The following ANKH variants were observed in gnomAD, a reference collection of about 807,000 sequenced individuals.
ANKH encodes mineralization regulator ANKH.
ANKH carries 15 observed loss-of-function variants against 49.0 expected under a neutral mutation model. The ratio of observed to expected loss-of-function variants is 0.31; its 90% CI spans 0.20 to 0.47. ANKH has a LOEUF of 0.47. Ranked by LOEUF, ANKH falls within the 20% of genes least tolerant of loss-of-function variation. ANKH has a pLI of 1.00. For synonymous variants in ANKH, 273 were observed against 260.0 expected (o/e 1.05, Z -0.48); for missense variants, 429 against 652.0 (o/e 0.66, Z 3.72).
chr5:14,781,477 A>C (rs938680061), intron 1 of ANKH, among the ~76,000 whole-genome samples: 2 of 152,268 alleles, frequency 1.3e-5, no homozygotes, highest in African/African-American at 4.8e-5. Flanking sequence ...CAAACAACCA[A>C]GCACGGTACA....
At chr5:14,769,864 T>C (rs1428166650) in intron 1 of ANKH, among the ~76,000 whole-genome samples, 2 of 152,224 alleles carry the variant, frequency 1.3e-5, no homozygotes, top group Non-Finnish European at 2.9e-5. Context: ...TAAATGTTTT[T>C]GGATAATGGT....
chr5:14,779,908 TAAAGCG>T (rs1469306508), intron 1 of ANKH, among the ~76,000 whole-genome samples: 1 of 152,190 alleles, frequency 6.6e-6, no homozygotes, highest in African/African-American at 2.4e-5. Context: ...CTCCTTGGTG[TAAAGCG>T]AAAGTAAAGA....
chr5:14,735,754 G>C (rs1738158806), intron 8 of ANKH, among the ~76,000 whole-genome samples: 1 of 152,088 alleles, frequency 6.6e-6, no homozygotes, highest in Non-Finnish European at 1.5e-5. Flanking sequence ...CCTCTAAAAA[G>C]GCACCAGTCA....
chr5:14,788,791 T>C (rs1473936986), intron 1 of ANKH, among the ~76,000 whole-genome samples: 1 of 152,030 alleles, frequency 6.6e-6, no homozygotes, highest in Non-Finnish European at 1.5e-5. Context: ...AGGTTAATAA[T>C]ACTAACTGAT....
At chr5:14,754,107 C>T (rs1285367667) in intron 4 of ANKH, among the ~76,000 whole-genome samples, 4 of 152,198 alleles carry the variant, frequency 2.6e-5, no homozygotes, top group African/African-American at 9.7e-5. Flanking sequence ...CTCCACCAGG[C>T]ACAGCCTGAA....
intron 1 of ANKH, among the ~76,000 whole-genome samples, chr5:14,833,936 G>GA (rs568419084): frequency 2.6e-5 from 4 of 152,220 alleles, no homozygotes; most frequent in African/African-American, 9.6e-5. Flanking sequence ...TTGGCAGCAC[G>GA]AAAGAATCAG....
chr5:14,762,236 C>T (rs1028957716), intron 2 of ANKH, among the ~76,000 whole-genome samples: 8 of 152,112 alleles, frequency 5.3e-5, no homozygotes, highest in African/African-American at 9.7e-5. Flanking sequence ...TTAACAGAAA[C>T]ATCAAAAACA....
intron 1 of ANKH, among the ~76,000 whole-genome samples, chr5:14,780,451 G>A (rs1420552209): frequency 2.6e-5 from 4 of 152,172 alleles, no homozygotes; most frequent in African/African-American, 9.7e-5. Flanking sequence ...GCTGAGGCGG[G>A]AGAATCACTT....
At chr5:14,860,073 G>A (rs952063305) in intron 1 of ANKH, among the ~76,000 whole-genome samples, 1 of 152,236 alleles carries the variant, frequency 6.6e-6, no homozygotes, top group African/African-American at 2.4e-5. Flanking sequence ...CAATAGGCAT[G>A]AGCCGCAGGT....
chr5:14,824,789 G>A (rs1741292131), intron 1 of ANKH, among the ~76,000 whole-genome samples: 1 of 152,232 alleles, frequency 6.6e-6, no homozygotes, highest in Admixed American at 6.5e-5. Context: ...TGCTTGGCCT[G>A]TCAGGGGGCA....
At chr5:14,768,636 T>C in intron 2 of ANKH, 1 of 349,578 alleles carries the variant, frequency 2.9e-6, no homozygotes, top group Non-Finnish European at 5.3e-6. Context: ...ATTCTTAAGA[T>C]TTAATGACCC....
At chr5:14,718,835 C>A (rs1397960220) in intron 8 of ANKH, among the ~76,000 whole-genome samples, 5 of 144,490 alleles carry the variant, frequency 3.5e-5, no homozygotes, top group East Asian at 2.0e-4. Flanking sequence ...CACCACCCCC[C>A]CCCCAAAAAA....
intron 1 of ANKH, among the ~76,000 whole-genome samples, chr5:14,774,761 A>T (rs1739557976): frequency 6.6e-6 from 1 of 152,134 alleles, no homozygotes; most frequent in African/African-American, 2.4e-5. Flanking sequence ...ACCTGAATGT[A>T]AGCTCCAGGA....
intron 8 of ANKH, among the ~76,000 whole-genome samples, chr5:14,727,778 T>A (rs1364551997): frequency 6.6e-6 from 1 of 152,138 alleles, no homozygotes; most frequent in Non-Finnish European, 1.5e-5. Flanking sequence ...AATCCCGTTA[T>A]GGGCAGATGG....
At chr5:14,808,011 T>C (rs933327212) in intron 1 of ANKH, among the ~76,000 whole-genome samples, 1 of 152,234 alleles carries the variant, frequency 6.6e-6, no homozygotes, top group African/African-American at 2.4e-5. Flanking sequence ...ATTTATGAAA[T>C]TGTTTTGCAA....
intron 1 of ANKH, among the ~76,000 whole-genome samples, chr5:14,834,829 G>A (rs1278893036): frequency 6.6e-6 from 1 of 152,110 alleles, no homozygotes; most frequent in African/African-American, 2.4e-5. Context: ...ATGTGCCTTA[G>A]TTTCCTCATC....
chr5:14,807,116 T>C (rs977129787), intron 1 of ANKH, among the ~76,000 whole-genome samples: 21 of 147,464 alleles, frequency 1.4e-4, no homozygotes, highest in Admixed American at 1.1e-3. Context: ...GATATTTCTT[T>C]TTTTTTTTTT....
chr5:14,789,648 G>A (rs1399739910), intron 1 of ANKH, among the ~76,000 whole-genome samples: 1 of 152,148 alleles, frequency 6.6e-6, no homozygotes, highest in Non-Finnish European at 1.5e-5. Context: ...ATGGCAAAGT[G>A]CAGATTTTTA....
intron 1 of ANKH, among the ~76,000 whole-genome samples, chr5:14,858,408 C>T (rs2126628850): frequency 6.6e-6 from 1 of 152,166 alleles, no homozygotes; most frequent in African/African-American, 2.4e-5. Context: ...GGAAAGGTTA[C>T]AATATTGTTT....
Sources: allele counts gnomAD v4.1 joint callset (sites outside exome capture counted in the v4.1 genomes callset), GRCh38; gene constraint gnomAD v4.1.1; transcripts MANE v1.5; gene names NCBI Gene and HGNC (gene_info 2026-07-23, HGNC 2026-07-21).